Variants in ERBIN observed in about 807,000 individuals in gnomAD.
ERBIN encodes erbb2 interacting protein, also known as densin-180-like protein.
A neutral mutation model predicts 158.4 loss-of-function variants in ERBIN; 60 were observed. That is an observed-to-expected ratio of 0.38 (90% CI 0.31 to 0.47). The LOEUF is 0.47. Ranked by LOEUF, ERBIN falls within the 20% of genes least tolerant of loss-of-function variation. The pLI is 0.99. For synonymous variants in ERBIN, 594 were observed against 557.2 expected (o/e 1.07, Z -0.93); for missense variants, 1,610 against 1,648.0 (o/e 0.98, Z 0.40).
At chr5:65,936,054 G>A (rs2150855866) in intron 1 of ERBIN, among the ~76,000 whole-genome samples, 1 of 151,896 alleles carries the variant, frequency 6.6e-6, no homozygotes, top group South Asian at 2.1e-4. Context: ...AGGTTATATT[G>A]TTTGCATGAT....
chr5:66,018,440 T>A (rs1430741197), intron 7 of ERBIN, among the ~76,000 whole-genome samples: 2 of 68,762 alleles, frequency 2.9e-5, no homozygotes, highest in Admixed American at 2.6e-4. Flanking sequence ...TTGATATATA[T>A]AATATAATAT....
intron 10 of ERBIN, 96 bp downstream of exon 10, chr5:66,024,546 TC>T (rs1756035334): frequency 8.3e-7 from 1 of 1,200,950 alleles, no homozygotes; most frequent in South Asian, 1.5e-5. Context: ...TAGTTATACT[TC>T]GTTACCACAG....
chr5:66,021,972 T>G (rs1755740649), intron 8 of ERBIN, among the ~76,000 whole-genome samples: 1 of 148,840 alleles, frequency 6.7e-6, no homozygotes, highest in Admixed American at 6.7e-5. Flanking sequence ...TAAGCTAGAT[T>G]TTTTTTTTTT....
chr5:66,009,394 A>G (rs1753963091), intron 4 of ERBIN, among the ~76,000 whole-genome samples: 1 of 152,254 alleles, frequency 6.6e-6, no homozygotes, highest in African/African-American at 2.4e-5. Flanking sequence ...TAGGTAAGTG[A>G]AATTCAGCAA....
rs577025225 is a variant in ERBIN, at chr5:66,035,427, A to G, written c.1207-2956A>G. 2.0e-5 allele frequency among the ~76,000 whole-genome samples: 3 copies of G among 152,206 alleles called. No homozygotes were observed. The East Asian group carries it at 5.8e-4, about 29-fold the overall frequency. On this transcript the variant is annotated intron_variant, in intron 14 of 25. Transcript: ENST00000284037. ...AGGCCTGGAAATGCAACCCTTAACT[A>G]CTGTTTTTCCCTGTACTTCAGTCCA...
intron 25 of ERBIN, 64 bp downstream of exon 25, chr5:66,077,013 T>C: frequency 8.0e-7 from 1 of 1,255,258 alleles, no homozygotes; most frequent in Non-Finnish European, 1.1e-6. Context: ...CAGTTTAAAA[T>C]GTTTTCACTT....
chr5:65,955,748 A>G (rs1011954385), intron 1 of ERBIN, among the ~76,000 whole-genome samples: 1 of 152,258 alleles, frequency 6.6e-6, no homozygotes, highest in Non-Finnish European at 1.5e-5. Flanking sequence ...GACAACTACA[A>G]CGGTTTTCCC....
chr5:65,995,772 A>G (rs1490643267), intron 4 of ERBIN, among the ~76,000 whole-genome samples: 1 of 152,096 alleles, frequency 6.6e-6, no homozygotes, highest in Non-Finnish European at 1.5e-5. Flanking sequence ...CGACACCCTC[A>G]TCAGCACTTA....
At chr5:66,059,561 T>C (rs892840888) in intron 21 of ERBIN, among the ~76,000 whole-genome samples, 11 of 152,240 alleles carry the variant, frequency 7.2e-5, no homozygotes, top group South Asian at 4.1e-4. Context: ...CTGGCCAGAA[T>C]TTCCAACACT....
At chr5:66,027,518 A>G (rs1035239336) in intron 13 of ERBIN, among the ~76,000 whole-genome samples, 1 of 152,050 alleles carries the variant, frequency 6.6e-6, no homozygotes, top group African/African-American at 2.4e-5. Flanking sequence ...GATCAGAAAT[A>G]TTTGGAAAAA....
rs961794849 is a variant in ERBIN at position 66,081,216 on chromosome 5, C to T, written c.*2686C>T. ...ATACTGATCAGAGTAATTTATACGGCATACAATAGTTGATACAATCTAAAG... is the reference window on the plus strand; with the variant it reads ...ATACTGATCAGAGTAATTTATACGGTATACAATAGTTGATACAATCTAAAG... On this transcript the variant is annotated 3_prime_UTR_variant, in exon 26 of 26. Coordinates refer to ENST00000284037, the MANE Select transcript of ERBIN (RefSeq NM_001253697.2). 5 of 151,888 alleles carry T rather than the reference C, an allele frequency of 3.3e-5. No individual in the cohort carries two copies. Among genetic ancestry groups the T allele is most frequent in the African/African-American group, 9.7e-5 (4 of 41,410 alleles). The allele number at this position is 151,888 out of a possible 1,614,324, so 9.4% of individuals were successfully genotyped here.
intron 1 of ERBIN, among the ~76,000 whole-genome samples, chr5:65,942,169 T>C (rs954100045): frequency 3.9e-5 from 6 of 152,230 alleles, no homozygotes; most frequent in African/African-American, 1.4e-4. Context: ...ACCTCTTTTT[T>C]CTTTTTAATT....
intron 21 of ERBIN, among the ~76,000 whole-genome samples, chr5:66,071,742 A>G (rs576834374): frequency 7.7e-6 from 1 of 130,624 alleles, no homozygotes; most frequent in Admixed American, 7.5e-5. Flanking sequence ...TTTTTTTTTT[A>G]CCAAAAATCT....
intron 1 of ERBIN, among the ~76,000 whole-genome samples, chr5:65,970,685 C>T (rs928261517): frequency 6.6e-6 from 1 of 152,208 alleles, no homozygotes; most frequent in South Asian, 2.1e-4. Flanking sequence ...CTCCTGGGCT[C>T]AAGCAATCTT....
At chr5:66,001,033 A>G (rs1580308778) in intron 4 of ERBIN, among the ~76,000 whole-genome samples, 1 of 152,106 alleles carries the variant, frequency 6.6e-6, no homozygotes, top group Non-Finnish European at 1.5e-5. Context: ...AAGCACACAT[A>G]TTAGGTTGCA....
At chr5:65,978,801 G>T (rs1167572562) in intron 1 of ERBIN, among the ~76,000 whole-genome samples, 1 of 152,186 alleles carries the variant, frequency 6.6e-6, no homozygotes, top group Non-Finnish European at 1.5e-5. Context: ...TCGCAGGAGA[G>T]GAGAGGATTG....
At position 66,013,543 on chromosome 5, in the gene ERBIN, A is replaced by G; in HGVS notation, c.387-6A>G. ...AACTTAACTTAAATTCTGGTATTTT[A>G]TGTAGGCTCCCTGATGGATTTTCTC... On this transcript the variant is annotated splice_polypyrimidine_tract_variant and splice_region_variant and intron_variant, in intron 5 of 25. Transcript: ENST00000284037. The G allele has an allele frequency of 6.3e-7, 1 of 1,582,688 alleles. No individual in the cohort carries two copies. Among genetic ancestry groups the G allele is most frequent in the Non-Finnish European group, 8.7e-7 (1 of 1,152,206 alleles).
chr5:66,072,188 G>C lies in ERBIN; in HGVS notation c.3653G>C (p.Ser1218Thr). 1 of 1,550,126 alleles carries C rather than the reference G, an allele frequency of 6.5e-7. No homozygotes were observed. The highest frequency in any genetic ancestry group is 1.2e-5 in the South Asian group (1 of 83,968). The change falls in exon 22 of 26, where the codon AGT (serine) becomes ACT (threonine). Residue 1218 changes from serine (S) to threonine (T), a missense_variant. This residue lies in a region of ERBIN where 1,014 missense variants were observed against 936.1 expected (regional missense o/e 1.08). Coordinates refer to ENST00000284037, the MANE Select transcript of ERBIN (RefSeq NM_001253697.2). ...KLEKKHPQTS[S>T]SGDPCQDGIF... ...CATTAGAAGCATCCCCAGACATCCA[G>C]TTCAGGAGATCCTTGTCAAGATGGT... is the stretch of plus-strand genomic sequence containing the variant.
intron 1 of ERBIN, among the ~76,000 whole-genome samples, chr5:65,965,381 TG>T (rs1748462556): frequency 1.7e-5 from 2 of 118,994 alleles, no homozygotes; most frequent in African/African-American, 3.8e-5. Flanking sequence ...TGTTTTTTGT[TG>T]TTTTTTTTTT....
Sources: allele counts gnomAD v4.1 joint callset (sites outside exome capture counted in the v4.1 genomes callset), GRCh38; gene constraint gnomAD v4.1.1; regional missense constraint gnomAD v4.1.1; transcripts MANE v1.5; gene names NCBI Gene and HGNC (gene_info 2026-07-23, HGNC 2026-07-21).